DTNB: variants seen among roughly 807,000 people sequenced by gnomAD.
DTNB encodes the protein DTN-B.
In DTNB, 63 loss-of-function variants were observed where a neutral mutation model predicts 90.7. The ratio of observed to expected loss-of-function variants is 0.69; its 90% CI spans 0.57 to 0.86. The LOEUF (loss-of-function observed/expected upper bound fraction) is 0.86, where lower values mean the gene tolerates loss of function less well. Among genes scored for constraint, DTNB ranks in the 40% least tolerant of loss-of-function variants. The pLI is 0.00. For synonymous variants in DTNB, 277 were observed against 286.7 expected (o/e 0.97, Z 0.34); for missense variants, 744 against 807.1 (o/e 0.92, Z 0.95).
At chr2:25,383,987 C>CT in intron 18 of DTNB, 98 bp from the exon 19 acceptor site, 1 of 1,596,222 alleles carries the variant, frequency 6.3e-7, no homozygotes, top group Non-Finnish European at 8.5e-7. Flanking sequence ...GGAGGAAACT[C>CT]TAGCTAACAG....
intron 9 of DTNB, among the ~76,000 whole-genome samples, chr2:25,513,359 C>T (rs954100841): frequency 1.4e-4 from 22 of 152,102 alleles, no homozygotes; most frequent in African/African-American, 5.3e-4. Context: ...ATTTTTAAAA[C>T]AATCATAATG....
At chr2:25,582,465 G>A (rs1342326608) in intron 6 of DTNB, among the ~76,000 whole-genome samples, 1 of 152,100 alleles carries the variant, frequency 6.6e-6, no homozygotes. Flanking sequence ...AGAAAAGGGA[G>A]GTAGAGTAGA....
intron 16 of DTNB, among the ~76,000 whole-genome samples, chr2:25,411,480 C>T (rs544002073): frequency 5.9e-5 from 9 of 152,214 alleles, no homozygotes; most frequent in South Asian, 4.2e-4. Context: ...GTGCCAAGAC[C>T]GATGAATACA....
At chr2:25,509,879 T>C (rs370128018) in intron 9 of DTNB, among the ~76,000 whole-genome samples, 10 of 151,550 alleles carry the variant, frequency 6.6e-5, no homozygotes, top group African/African-American at 2.4e-4. Flanking sequence ...GTCTCCCAAG[T>C]AGCTGGGACT....
chr2:25,466,549 G>A (rs1458005677), intron 10 of DTNB, among the ~76,000 whole-genome samples: 1 of 152,198 alleles, frequency 6.6e-6, no homozygotes, highest in African/African-American at 2.4e-5. Flanking sequence ...ACGCAGGGGA[G>A]CTCCTGTGGC....
Position 25,639,068 on chromosome 2 carries a change from G to A in DTNB, c.94C>T (p.Leu32=). ...MRAQNFDVIR[L]STYRTACKLR... is the part of the protein sequence containing the mutation. Reference sequence around the variant, plus strand: ...TTGCAGGCTGTTCTGTAAGTTGATAGTCGTATGACATCAAAATTCTGAGCA... The same window carrying A: ...TTGCAGGCTGTTCTGTAAGTTGATAATCGTATGACATCAAAATTCTGAGCA... Residue 32 remains leucine, a synonymous_variant, in exon 3 of 21, where the codon CTA becomes TTA. Transcript: ENST00000406818. The A allele has an allele frequency of 6.3e-7, 1 of 1,589,112 alleles. No homozygotes were observed. The highest frequency in any genetic ancestry group is 1.3e-5 in the African/African-American group (1 of 74,678).
intron 9 of DTNB, 40 bp downstream of exon 9, chr2:25,531,433 T>C (rs2078152142): frequency 6.3e-7 from 1 of 1,589,338 alleles, no homozygotes; most frequent in Admixed American, 1.8e-5. Context: ...AAGGCCCCCA[T>C]TTCAGTGTGA....
intron 2 of DTNB, among the ~76,000 whole-genome samples, chr2:25,639,760 A>G (rs766850405): frequency 6.6e-6 from 1 of 152,228 alleles, no homozygotes; most frequent in Non-Finnish European, 1.5e-5. Flanking sequence ...GCAGAAGTAC[A>G]GTGCGGGACT....
At chr2:25,499,298 G>A (rs895786601) in intron 9 of DTNB, among the ~76,000 whole-genome samples, 1 of 152,192 alleles carries the variant, frequency 6.6e-6, no homozygotes, top group Non-Finnish European at 1.5e-5. Flanking sequence ...CTGATACTAA[G>A]TGGATTATGT....
At chr2:25,665,115 A>C (rs2084111317) in intron 1 of DTNB, among the ~76,000 whole-genome samples, 1 of 152,234 alleles carries the variant, frequency 6.6e-6, no homozygotes, top group Non-Finnish European at 1.5e-5. Flanking sequence ...GTAAAGACTA[A>C]AGGAAAAGGA....
At chr2:25,618,784 G>A (rs2071553647) in intron 4 of DTNB, among the ~76,000 whole-genome samples, 1 of 152,148 alleles carries the variant, frequency 6.6e-6, no homozygotes. Flanking sequence ...GGGACATGAT[G>A]ATCCCTTTCT....
In DTNB at chr2:25,383,877, G is replaced by A. The variant is rs768990011; in HGVS notation, c.1838C>T (p.Ala613Val). ...VKELHSAEEG[A>V]EEEEEKMQNG... ...CTGCATCTTCTCTTCTTCTTCCTCT[G>A]CACCTTCCTCTGCTGTGAAAACAAG... Residue 613 changes from alanine (A) to valine (V), a missense_variant, in exon 19 of 21, where the codon GCA (alanine) becomes GTA (valine). Transcript: ENST00000406818. 1.2e-6 allele frequency: 2 copies of A among 1,613,972 alleles called. No individual in the cohort carries two copies. The highest frequency in any genetic ancestry group is 2.2e-5 in the South Asian group (2 of 91,086).
intron 9 of DTNB, among the ~76,000 whole-genome samples, chr2:25,486,944 G>C (rs368136708): frequency 3.3e-5 from 5 of 152,116 alleles, no homozygotes; most frequent in Non-Finnish European, 5.9e-5. Context: ...ACCATCTATC[G>C]CTTGGTCCAG....
intron 16 of DTNB, among the ~76,000 whole-genome samples, chr2:25,404,505 T>C (rs775917194): frequency 6.6e-6 from 1 of 151,880 alleles, no homozygotes; most frequent in Non-Finnish European, 1.5e-5. Flanking sequence ...AAAGGAGAAG[T>C]GTCGGCGGTG....
At chr2:25,545,511 C>CTAT (rs2082217335) in intron 8 of DTNB, among the ~76,000 whole-genome samples, 1 of 152,138 alleles carries the variant, frequency 6.6e-6, no homozygotes. Flanking sequence ...CAGAGCAGTG[C>CTAT]TATTATCCAA....
chr2:25,410,746 C>T (rs568010260), intron 16 of DTNB, among the ~76,000 whole-genome samples: 2 of 152,214 alleles, frequency 1.3e-5, no homozygotes, highest in South Asian at 4.1e-4. Context: ...AGCTGCTTCA[C>T]TCATTAGCTT....
In DTNB at chr2:25,577,139, A is replaced by G. The variant is rs1053369878; in HGVS notation, c.710-135T>C. 4 of 1,112,848 alleles carry G rather than the reference A, an allele frequency of 3.6e-6. No homozygotes were observed. The African/African-American group carries it at 6.4e-5, about 18-fold the overall frequency. 68.9% of individuals were successfully genotyped at this position (1,112,848 alleles called of 1,614,324 possible). ...CCAAAACTAATATAAAAACAAAGGT[A>G]AAAATAAAAGTAGAGCCGGATGCGG... On this transcript the variant is annotated intron_variant, in intron 7 of 20. Coordinates refer to ENST00000406818, the MANE Select transcript of DTNB (RefSeq NM_021907.5).
At position 25,439,759 on chromosome 2, in the gene DTNB, A is replaced by C. The variant is rs928982453; in HGVS notation, c.1258-5764T>G. Among the ~76,000 whole-genome samples, 4 of 152,322 alleles carry C rather than the reference A, an allele frequency of 2.6e-5. No homozygotes were observed. The South Asian group carries it at 8.3e-4, about 32-fold the overall frequency. On this transcript the variant is annotated intron_variant, in intron 12 of 20. Coordinates refer to ENST00000406818, the MANE Select transcript of DTNB (RefSeq NM_021907.5). ...TTATTTTCTTGTCTATAAAATGGGA[A>C]TATTTAGTGAAAGTGATGTGGAGAG...
intron 15 of DTNB, among the ~76,000 whole-genome samples, chr2:25,423,150 T>C (rs1299449301): frequency 6.6e-6 from 1 of 152,082 alleles, no homozygotes; most frequent in Non-Finnish European, 1.5e-5. Context: ...GGAGCCAAGA[T>C]TGTGCCACTG....
Sources: allele counts gnomAD v4.1 joint callset (sites outside exome capture counted in the v4.1 genomes callset), GRCh38; gene constraint gnomAD v4.1.1; transcripts MANE v1.5; gene names NCBI Gene and HGNC (gene_info 2026-07-23, HGNC 2026-07-21).